UGT2A2: variants seen among roughly 807,000 people sequenced by gnomAD.
The protein encoded by UGT2A2 is UDP-glucuronosyltransferase 2A2.
UGT2A2 carries 60 observed loss-of-function variants against 50.7 expected under a neutral mutation model. The ratio of observed to expected loss-of-function variants is 1.18; its 90% CI spans 0.96 to 1.47. The LOEUF is 1.47. Among genes scored for constraint, UGT2A2 ranks in the 40% most tolerant of loss-of-function variants. UGT2A2 has a pLI of 0.00. For missense variants in UGT2A2, 762 were observed against 634.0 expected, an observed-to-expected ratio of 1.20 and a Z score of -2.17; for synonymous variants, 242 against 214.6, an observed-to-expected ratio of 1.13 and a Z score of -1.11.
chr4:69,611,930 A>T (rs1157192909), intron 1 of UGT2A2, among the ~76,000 whole-genome samples: 1 of 152,124 alleles, frequency 6.6e-6, no homozygotes, highest in East Asian at 1.9e-4. Flanking sequence ...TTACAAATAA[A>T]TTCCATTACA....
chr4:69,613,439 C>G (rs576733285), intron 1 of UGT2A2, among the ~76,000 whole-genome samples: 12 of 152,014 alleles, frequency 7.9e-5, no homozygotes, highest in African/African-American at 2.9e-4. Flanking sequence ...TGAAACTATT[C>G]AAAACATGGT....
chr4:69,633,138 GC>G (rs1721478659), intron 1 of UGT2A2, among the ~76,000 whole-genome samples: 6 of 152,108 alleles, frequency 3.9e-5, no homozygotes, highest in Admixed American at 3.9e-4. Context: ...CTGGGTAGTG[GC>G]CTTGTTAGAG....
intron 1 of UGT2A2, among the ~76,000 whole-genome samples, chr4:69,636,085 A>G (rs1256765115): frequency 6.6e-6 from 1 of 152,156 alleles, no homozygotes; most frequent in Non-Finnish European, 1.5e-5. Flanking sequence ...CAAGTTTTTT[A>G]ACTGGTGCAA....
intron 2 of UGT2A2, among the ~76,000 whole-genome samples, chr4:69,596,603 A>T (rs1317902474): frequency 6.6e-6 from 1 of 151,960 alleles, no homozygotes; most frequent in African/African-American, 2.4e-5. Flanking sequence ...GCTCACTGCA[A>T]CCTCACCTCC....
chr4:69,595,928 CTT>C (rs895029889), intron 3 of UGT2A2, among the ~76,000 whole-genome samples: 8 of 152,122 alleles, frequency 5.3e-5, no homozygotes, highest in African/African-American at 1.7e-4. Context: ...AACTTCAAAA[CTT>C]TTGAAAGTAG....
intron 1 of UGT2A2, among the ~76,000 whole-genome samples, chr4:69,620,291 G>GA (rs112020407): frequency 0.36 from 53,274 of 147,970 alleles, 9,702 homozygotes; most frequent in African/African-American, 0.45. Flanking sequence ...AAAGTTTCAG[G>GA]AAAAAAAATC....
chr4:69,638,261 G>A (rs1050071659), intron 1 of UGT2A2, among the ~76,000 whole-genome samples: 24 of 152,076 alleles, frequency 1.6e-4, no homozygotes, highest in Non-Finnish European at 2.8e-4. Flanking sequence ...TAAAAGCCAG[G>A]AAAAATAAGT....
chr4:69,604,657 T>A (rs1281266538), intron 1 of UGT2A2, among the ~76,000 whole-genome samples: 1 of 136,798 alleles, frequency 7.3e-6, no homozygotes, highest in Non-Finnish European at 1.6e-5. Flanking sequence ...CCCATCAGTG[T>A]GCTGTATTCA....
intron 2 of UGT2A2, among the ~76,000 whole-genome samples, chr4:69,597,413 A>G (rs995009392): frequency 1.3e-5 from 2 of 152,176 alleles, no homozygotes; most frequent in African/African-American, 4.8e-5. Flanking sequence ...GTAATTACTT[A>G]TAGTTTTGCA....
intron 1 of UGT2A2, chr4:69,603,576 T>C (rs1719423583): frequency 7.3e-6 from 1 of 136,850 alleles, no homozygotes; most frequent in African/African-American, 3.0e-5. Context: ...AGAATGACTT[T>C]GACGAGCTGA....
chr4:69,627,250 T>G (rs1041939889), intron 1 of UGT2A2, among the ~76,000 whole-genome samples: 3 of 151,824 alleles, frequency 2.0e-5, no homozygotes, highest in African/African-American at 7.2e-5. Context: ...GAAATTTGTT[T>G]TGGAATTACT....
At chr4:69,631,273 T>C (rs778298022) in intron 1 of UGT2A2, among the ~76,000 whole-genome samples, 2 of 151,864 alleles carry the variant, frequency 1.3e-5, no homozygotes, top group Admixed American at 1.3e-4. Flanking sequence ...TCTTCCCATA[T>C]TTTTTCAAAA....
chr4:69,619,696 AAAAAT>A (rs1306051967), intron 1 of UGT2A2, among the ~76,000 whole-genome samples: 1 of 152,020 alleles, frequency 6.6e-6, no homozygotes, highest in East Asian at 1.9e-4. Context: ...AAACACAACA[AAAAAT>A]AAAATAAAAT....
intron 1 of UGT2A2, among the ~76,000 whole-genome samples, chr4:69,608,947 A>G (rs1719854011): frequency 6.6e-6 from 1 of 152,142 alleles, no homozygotes; most frequent in South Asian, 2.1e-4. Flanking sequence ...CAGCATAAAA[A>G]TCCTTTTTTT....
chr4:69,626,182 C>A (rs1057446477), intron 1 of UGT2A2, among the ~76,000 whole-genome samples: 1 of 150,554 alleles, frequency 6.6e-6, no homozygotes, highest in Non-Finnish European at 1.5e-5. Flanking sequence ...AATATTTGGA[C>A]GCTTTGATCT....
chr4:69,629,073 C>A (rs1472493178), intron 1 of UGT2A2, among the ~76,000 whole-genome samples: 1 of 151,918 alleles, frequency 6.6e-6, no homozygotes, highest in Non-Finnish European at 1.5e-5. Context: ...CCCAGTACCA[C>A]AAGCCATAGC....
Position 69,603,883 on chromosome 4 carries a change from A to C in UGT2A2, c.743-4489T>G, listed in dbSNP as rs956370645. On this transcript the variant is annotated intron_variant, in intron 1 of 5. Coordinates refer to ENST00000604629, the MANE Select transcript of UGT2A2 (RefSeq NM_001105677.2). ...GTTTAGAGAAAAAAGAATAAAAAGA[A>C]ACGAACAAAGCCTCCAAGAAATATG... Among the ~76,000 whole-genome samples, 4 of 136,322 alleles carry C rather than the reference A, an allele frequency of 2.9e-5. 1 individual carries two copies. Among genetic ancestry groups the C allele is most frequent in the African/African-American group, 1.2e-4 (4 of 33,594 alleles). 89.4% of individuals were successfully genotyped at this position (136,322 alleles called of 152,430 possible). A position where few individuals can be genotyped will look rare whatever the true frequency, so the allele number is the denominator to read the frequency against.
intron 1 of UGT2A2, among the ~76,000 whole-genome samples, chr4:69,607,652 A>T (rs1224508046): frequency 6.6e-6 from 1 of 152,138 alleles, no homozygotes; most frequent in Non-Finnish European, 1.5e-5. Flanking sequence ...ATGGGAGAAA[A>T]TTTTTGCAAT....
At chr4:69,631,344 AATG>A (rs1353298381) in intron 1 of UGT2A2, among the ~76,000 whole-genome samples, 8 of 152,144 alleles carry the variant, frequency 5.3e-5, no homozygotes, top group Non-Finnish European at 7.4e-5. Flanking sequence ...ATAAAATTAA[AATG>A]ATAATATTTT....
Sources: allele counts gnomAD v4.1 joint callset (sites outside exome capture counted in the v4.1 genomes callset), GRCh38; gene constraint gnomAD v4.1.1; transcripts MANE v1.5; gene names NCBI Gene and HGNC (gene_info 2026-07-23, HGNC 2026-07-21).